The following ADGRV1 variants were observed in gnomAD, a reference collection of about 807,000 sequenced individuals.
The protein encoded by ADGRV1 is adhesion G protein-coupled receptor V1, also known as G-protein coupled receptor 98.
ADGRV1 carries 359 observed loss-of-function variants against 596.2 expected under a neutral mutation model. That is an observed-to-expected ratio of 0.60 (90% CI 0.55 to 0.66). The LOEUF (loss-of-function observed/expected upper bound fraction) is 0.66, where lower values mean the gene tolerates loss of function less well. Ranked by LOEUF, ADGRV1 falls within the 30% of genes least tolerant of loss-of-function variation. The probability of loss-of-function intolerance (pLI) is 0.00; values close to 1 mark genes in which losing one functional copy is unlikely to be tolerated. For missense variants in ADGRV1, 7,274 were observed against 7,575.6 expected (o/e 0.96, Z 1.48); for synonymous variants, 2,681 against 2,679.2 (o/e 1.00, Z -0.02).
intron 79 of ADGRV1, among the ~76,000 whole-genome samples, chr5:90,852,855 C>T (rs1348409296): frequency 6.6e-6 from 1 of 152,124 alleles, no homozygotes; most frequent in African/African-American, 2.4e-5. Flanking sequence ...AAACATGGGC[C>T]TGGATATATA....
chr5:90,655,777 G>T (rs1769318170), intron 20 of ADGRV1: 1 of 151,940 alleles, frequency 6.6e-6, no homozygotes, highest in Non-Finnish European at 1.5e-5. Flanking sequence ...AAATAATGCT[G>T]TGTTCAATAT....
intron 25 of ADGRV1, chr5:90,676,673 T>G (rs1371415817): frequency 6.5e-6 from 1 of 154,672 alleles, no homozygotes; most frequent in African/African-American, 2.4e-5. Flanking sequence ...GTGAAAAGTA[T>G]AAGTGTACTA....
rs118173379 is a variant in ADGRV1 at position 90,800,605 on chromosome 5, C to T, written c.14518-2134C>T. On this transcript the variant is annotated intron_variant, in intron 70 of 89. Coordinates refer to ENST00000405460, the MANE Select transcript of ADGRV1 (RefSeq NM_032119.4). Reference sequence around the variant, plus strand: ...ACCGAAAGGATTATAAATCATTCTACTGTAAATACACATGCACACATATGT... The same window carrying T: ...ACCGAAAGGATTATAAATCATTCTATTGTAAATACACATGCACACATATGT... Among the ~76,000 whole-genome samples the T allele has an allele frequency of 1.5e-3, 222 of 152,282 alleles. 2 individuals are homozygous for T. In the East Asian group the frequency reaches 0.015, roughly 10 times the overall value.
At chr5:90,902,029 G>A (rs1426865220) in intron 83 of ADGRV1, among the ~76,000 whole-genome samples, 1 of 152,050 alleles carries the variant, frequency 6.6e-6, no homozygotes, top group Non-Finnish European at 1.5e-5. Flanking sequence ...GAGATTAGTA[G>A]TGGGGAGACG....
At chr5:90,613,433 C>G (rs569640593) in intron 1 of ADGRV1, among the ~76,000 whole-genome samples, 1 of 152,230 alleles carries the variant, frequency 6.6e-6, no homozygotes, top group Middle Eastern at 3.4e-3. Flanking sequence ...ACATGCTTTG[C>G]TTTTTCCCTT....
intron 70 of ADGRV1, among the ~76,000 whole-genome samples, chr5:90,798,284 A>G (rs575362216): frequency 1.3e-5 from 2 of 152,318 alleles, no homozygotes; most frequent in East Asian, 3.9e-4. Context: ...CCATCAGAGA[A>G]TACTATAAAC....
At chr5:90,796,708 A>T (rs145197019) in intron 70 of ADGRV1, among the ~76,000 whole-genome samples, 5,424 of 152,298 alleles carry the variant, frequency 0.036, 128 homozygotes, top group African/African-American at 0.067. Flanking sequence ...AAAAATGTTA[A>T]GGGCAGCCAG....
chr5:91,072,499 T>C lies in ADGRV1; in HGVS notation c.18205T>C (p.Leu6069=), dbSNP rs770432303. 1 of 1,613,926 alleles carries C rather than the reference T, an allele frequency of 6.2e-7. No individual in the cohort carries two copies. The highest frequency in any genetic ancestry group is 1.7e-5 in the Admixed American group (1 of 60,010). Residue 6069 remains leucine (L), a synonymous_variant, in exon 86 of 90, where the codon TTG becomes CTG. Coordinates refer to ENST00000405460, the MANE Select transcript of ADGRV1 (RefSeq NM_032119.4). ...AALFTAALVP[L]TCLVVVFVVF... Reference sequence around the variant, plus strand: ...TTTGTTCACTGCAGCTCTTGTTCCTTTGACGTGCCTCGTGGTGGTGTTCGT... The same window carrying C: ...TTTGTTCACTGCAGCTCTTGTTCCTCTGACGTGCCTCGTGGTGGTGTTCGT...
At chr5:90,773,367 C>T (rs995084470) in intron 59 of ADGRV1, among the ~76,000 whole-genome samples, 5 of 151,620 alleles carry the variant, frequency 3.3e-5, no homozygotes, top group Non-Finnish European at 7.4e-5. Context: ...ATTTGTTGTC[C>T]AGTAGAAACA....
intron 45 of ADGRV1, among the ~76,000 whole-genome samples, chr5:90,723,263 C>A (rs10036980): frequency 0.73 from 110,760 of 151,886 alleles, 41,200 homozygotes; most frequent in African/African-American, 0.87. Flanking sequence ...GGTGTGGTGT[C>A]GGAGGTTTTT....
intron 83 of ADGRV1, chr5:90,899,422 C>T (rs1347714922): frequency 6.6e-6 from 1 of 152,158 alleles, no homozygotes; most frequent in East Asian, 1.9e-4. Flanking sequence ...TCCACCTCAT[C>T]TGGCCCTTGA....
chr5:90,764,640 A>G (rs576946172), intron 59 of ADGRV1, among the ~76,000 whole-genome samples: 3 of 152,238 alleles, frequency 2.0e-5, no homozygotes, highest in African/African-American at 7.2e-5. Flanking sequence ...CCTTATGGGC[A>G]GCCTACACTG....
chr5:90,710,940 CATTT>C, intron 39 of ADGRV1, 37 bp from the exon 40 acceptor site: 1 of 1,160,496 alleles, frequency 8.6e-7, no homozygotes, highest in Non-Finnish European at 1.3e-6. Flanking sequence ...TATTTTTAAT[CATTT>C]ATATGTATTT....
chr5:90,727,922 C>G (rs749069656), intron 48 of ADGRV1, among the ~76,000 whole-genome samples: 16 of 152,182 alleles, frequency 1.1e-4, no homozygotes, highest in South Asian at 2.1e-4. Flanking sequence ...TCATAATTCT[C>G]TATCAGACCA....
At chr5:90,990,482 C>T (rs577394944) in intron 85 of ADGRV1, among the ~76,000 whole-genome samples, 6 of 152,074 alleles carry the variant, frequency 3.9e-5, no homozygotes, top group Non-Finnish European at 7.4e-5. Context: ...AACAATGCAC[C>T]GTTCACAATA....
chr5:90,593,359 C>G (rs769072749), intron 1 of ADGRV1, among the ~76,000 whole-genome samples: 3 of 152,076 alleles, frequency 2.0e-5, no homozygotes, highest in Non-Finnish European at 4.4e-5. Context: ...GGACGGAAAA[C>G]CAAACACCAC....
chr5:90,797,668 A>G (rs1167289411), intron 70 of ADGRV1, among the ~76,000 whole-genome samples: 1 of 152,190 alleles, frequency 6.6e-6, no homozygotes, highest in East Asian at 1.9e-4. Flanking sequence ...AATCAACGGA[A>G]TATATCTTCT....
intron 71 of ADGRV1, 124 bp downstream of exon 71, chr5:90,803,006 G>A (rs952924883): frequency 3.0e-6 from 2 of 659,700 alleles, no homozygotes; most frequent in Non-Finnish European, 4.6e-6. Context: ...AAATAACTCT[G>A]TGAATATCAA....
chr5:90,785,599 G>A (rs916552398), intron 67 of ADGRV1, among the ~76,000 whole-genome samples: 4 of 152,152 alleles, frequency 2.6e-5, no homozygotes, highest in Admixed American at 2.6e-4. Flanking sequence ...AAGGATATGA[G>A]CAGACATTTC....
Sources: allele counts gnomAD v4.1 joint callset (sites outside exome capture counted in the v4.1 genomes callset), GRCh38; gene constraint gnomAD v4.1.1; transcripts MANE v1.5; gene names NCBI Gene and HGNC (gene_info 2026-07-23, HGNC 2026-07-21).